The following WASHC4 variants were observed in gnomAD, a reference collection of about 807,000 sequenced individuals.
WASHC4 encodes the protein WASH complex subunit 7.
WASHC4 carries 86 observed loss-of-function variants against 166.6 expected under a neutral mutation model. The observed-to-expected ratio is 0.52, with a 90% CI of 0.43 to 0.62. The LOEUF is 0.62. Ranked by LOEUF, WASHC4 falls within the 20% of genes least tolerant of loss-of-function variation. WASHC4 has a pLI of 0.00. For synonymous variants in WASHC4, 446 were observed against 451.6 expected (o/e 0.99, Z 0.16); for missense variants, 1,262 against 1,382.4 (o/e 0.91, Z 1.38).
At chr12:105,127,427 G>C (rs1297867192) in intron 13 of WASHC4, 138 bp downstream of exon 13, 1 of 685,890 alleles carries the variant, frequency 1.5e-6, no homozygotes, top group Non-Finnish European at 2.5e-6. Context: ...CAATCTCCAG[G>C]AGATTTGTTT....
chr12:105,164,875 T>G, intron 32 of WASHC4, 135 bp downstream of exon 32: 2 of 652,400 alleles, frequency 3.1e-6, no homozygotes, highest in Non-Finnish European at 5.3e-6. Flanking sequence ...TTAAGTCTTT[T>G]AAAAAAAGTA....
chr12:105,164,575 A>T, intron 31 of WASHC4, 66 bp from the exon 32 acceptor site: 1 of 1,106,944 alleles, frequency 9.0e-7, no homozygotes, highest in Admixed American at 2.0e-5. Context: ...AAAAATGCAT[A>T]TATTTTTGGT....
At chr12:105,148,686 G>C in intron 24 of WASHC4, 1 of 985,228 alleles carries the variant, frequency 1.0e-6, no homozygotes, top group South Asian at 4.7e-5. Flanking sequence ...AAAATCATTT[G>C]TTTCCATAAT....
intron 21 of WASHC4, 34 bp downstream of exon 21, chr12:105,144,489 TC>T: frequency 6.4e-7 from 1 of 1,560,146 alleles, no homozygotes. Flanking sequence ...AGAGTCATAT[TC>T]TCTTTTTTTT....
At position 105,162,887 on chromosome 12, in the gene WASHC4, C is replaced by T. The variant is rs775883967; in HGVS notation, c.3157+42C>T. ...TGTTTTTCCATTAATTTTATATTGA[C>T]CTTGTAATGGATTCTTAGAAACATC... On this transcript the variant is annotated intron_variant, in intron 30 of 32. Transcript: ENST00000332180. 3 of 968,572 alleles carry T rather than the reference C, an allele frequency of 3.1e-6. No homozygotes were observed. In the South Asian group the frequency reaches 4.1e-5, roughly 13 times the overall value. 60.0% of individuals were successfully genotyped at this position (968,572 alleles called of 1,614,324 possible).
intron 30 of WASHC4, 68 bp from the exon 31 acceptor site, chr12:105,164,043 T>C: frequency 7.4e-7 from 1 of 1,345,188 alleles, no homozygotes; most frequent in Non-Finnish European, 1.1e-6. Context: ...TGGGAATTAT[T>C]GGTGAAGGAG....
intron 18 of WASHC4, 82 bp downstream of exon 18, chr12:105,141,328 A>T (rs371776823): frequency 3.0e-6 from 3 of 1,011,080 alleles, no homozygotes; most frequent in African/African-American, 3.2e-5. Flanking sequence ...ATAGCAAGAG[A>T]AGAAATAAAA....
chr12:105,148,562 T>G (rs1319780126), intron 24 of WASHC4: 1 of 985,202 alleles, frequency 1.0e-6, no homozygotes, highest in African/African-American at 1.7e-5. Flanking sequence ...TACCCACTAT[T>G]AAGAGTGGAA....
chr12:105,160,144 C>A lies in WASHC4; in HGVS notation c.3056C>A (p.Pro1019His). 1 of 1,613,244 alleles carries A rather than the reference C, an allele frequency of 6.2e-7. No homozygotes were observed. The highest frequency in any genetic ancestry group is 1.7e-4 in the Middle Eastern group (1 of 6,060). Residue 1019 changes from proline (P) to histidine (H), a missense_variant, in exon 29 of 33, where the codon CCT becomes CAT. By Grantham distance (77) the Pro-to-His change is moderately conservative. Transcript: ENST00000332180. ...HLRNFYIIVP[P>H]LTLNFVEHSI... is the part of the protein sequence containing the mutation. The stretch of plus-strand genomic sequence containing the variant: ...CGAAATTTCTATATAATTGTTCCCC[C>A]TCTGGTGAGTATTTCCAGAACCTAA...
Position 105,167,260 on chromosome 12 carries a change from G to A in WASHC4, c.*329G>A. 1 of 296,612 alleles carries A rather than the reference G, an allele frequency of 3.4e-6. No individual in the cohort carries two copies. The highest frequency in any genetic ancestry group is 4.0e-5 in the South Asian group (1 of 25,156). The allele number at this position is 296,612 out of a possible 1,614,324, so 18.4% of individuals were successfully genotyped here. On this transcript the variant is annotated 3_prime_UTR_variant, in exon 33 of 33. Transcript: ENST00000332180. ...CTTGTAATCTACATGTTTGTAATTT[G>A]TATTTGCATAGATCTTTGATCTATA...
Position 105,127,161 on chromosome 12 carries a change from T to G in WASHC4, c.1071T>G (p.Ile357Met), listed in dbSNP as rs779516459. ...VPAITLTANIIWFPDNFLIQK... is the reference protein window; with the variant it reads ...VPAITLTANIMWFPDNFLIQK... ...CCATCACTCTAACTGCTAATATTAT[T>G]TGGTTTCCTGATAATTTTCTGATCC... Residue 357 changes from isoleucine (I) to methionine (M), a missense_variant, in exon 13 of 33, where the codon ATT (isoleucine) becomes ATG (methionine). Transcript: ENST00000332180. The G allele has an allele frequency of 1.2e-6, 2 of 1,613,126 alleles. No homozygotes were observed. The highest frequency in any genetic ancestry group is 2.2e-5 in the East Asian group (1 of 44,800).
At chr12:105,156,444 A>G (rs1393104202) in intron 26 of WASHC4, 1 of 180,352 alleles carries the variant, frequency 5.5e-6, no homozygotes, top group African/African-American at 2.4e-5. Flanking sequence ...AAGCTTGACC[A>G]TTTTAATGTA....
Position 105,141,915 on chromosome 12 carries a change from A to C in WASHC4, c.1788-538A>C, listed in dbSNP as rs539108221. On this transcript the variant is annotated intron_variant, in intron 18 of 32. Transcript: ENST00000332180. Reference sequence around the variant, plus strand: ...TATTGAGCCTTTTTCATTATAAGATAGTTAATGATCATTCTGTTGCCCTTT... The same window carrying C: ...TATTGAGCCTTTTTCATTATAAGATCGTTAATGATCATTCTGTTGCCCTTT... 4.0e-5 allele frequency among the ~76,000 whole-genome samples: 6 copies of C among 150,770 alleles called. No individual in the cohort carries two copies. The East Asian group carries it at 1.2e-3, about 30-fold the overall frequency.
chr12:105,110,674 T>G (rs1012114663), intron 1 of WASHC4, among the ~76,000 whole-genome samples: 5 of 152,236 alleles, frequency 3.3e-5, no homozygotes, highest in Non-Finnish European at 7.3e-5. Flanking sequence ...TAAACATTAG[T>G]GTGTATAGAA....
chr12:105,161,282 C>A (rs937411496), intron 29 of WASHC4, among the ~76,000 whole-genome samples: 2 of 152,178 alleles, frequency 1.3e-5, no homozygotes, highest in South Asian at 4.2e-4. Flanking sequence ...AATTTTGTTT[C>A]TTTTATACAT....
chr12:105,159,924 TA>T, intron 28 of WASHC4, 76 bp from the exon 29 acceptor site: 1 of 1,334,794 alleles, frequency 7.5e-7, no homozygotes, highest in Non-Finnish European at 1.1e-6. Flanking sequence ...TGTTCTTATC[TA>T]AACTATTGAG....
intron 31 of WASHC4, 81 bp from the exon 32 acceptor site, chr12:105,164,560 G>T: frequency 1.0e-6 from 1 of 957,090 alleles, no homozygotes; most frequent in South Asian, 1.4e-5. Context: ...AATAATAAGA[G>T]GCATAAAAAT....
chr12:105,151,776 A>C (rs1229443841), intron 25 of WASHC4, among the ~76,000 whole-genome samples: 1 of 152,202 alleles, frequency 6.6e-6, no homozygotes, highest in Non-Finnish European at 1.5e-5. Flanking sequence ...CACTGTGCCC[A>C]GCCCAGCTCA....
chr12:105,128,357 G>A (rs1881473431), intron 13 of WASHC4, among the ~76,000 whole-genome samples: 1 of 152,196 alleles, frequency 6.6e-6, no homozygotes, highest in Non-Finnish European at 1.5e-5. Context: ...CAAGATATAT[G>A]TAGAGATTTA....
Sources: allele counts gnomAD v4.1 joint callset (sites outside exome capture counted in the v4.1 genomes callset), GRCh38; gene constraint gnomAD v4.1.1; transcripts MANE v1.5; gene names NCBI Gene and HGNC (gene_info 2026-07-23, HGNC 2026-07-21).